Variants in NFASC observed in about 807,000 individuals in gnomAD.
NFASC encodes neurofascin homolog.
A neutral mutation model predicts 147.5 loss-of-function variants in NFASC; 43 were observed. The ratio of observed to expected loss-of-function variants is 0.29; its 90% CI spans 0.23 to 0.38. NFASC has a LOEUF of 0.38. NFASC is among the 10% of genes least tolerant of loss of function. The pLI, the probability that NFASC is intolerant of heterozygous loss-of-function variation, is 1.00. For synonymous variants in NFASC, 622 were observed against 665.5 expected (o/e 0.93, Z 1.01); for missense variants, 1,320 against 1,689.0 (o/e 0.78, Z 3.83).
intron 2 of NFASC, among the ~76,000 whole-genome samples, chr1:204,935,560 C>G (rs1170173416): frequency 6.6e-6 from 1 of 152,206 alleles, no homozygotes. Flanking sequence ...CAGCACTGAG[C>G]AAGCCTGACT....
At chr1:204,904,857 T>C (rs1415780439) in intron 1 of NFASC, among the ~76,000 whole-genome samples, 1 of 139,530 alleles carries the variant, frequency 7.2e-6, no homozygotes, top group Admixed American at 7.1e-5. Context: ...TTATTTCTGC[T>C]CCTTCCTTCC....
rs2150560171 is a variant in NFASC, at chr1:204,986,321, C to G, written c.2471-1097C>G. ...GACCTGCCCTGCGAGGAGGTTGTATCTCAAGAGAAGACCTGTGAGGTCTGC... is the reference window on the plus strand; with the variant it reads ...GACCTGCCCTGCGAGGAGGTTGTATGTCAAGAGAAGACCTGTGAGGTCTGC... On this transcript the variant is annotated intron_variant, in intron 21 of 29. Transcript: ENST00000339876. This position sits in a 1 kb window ranked among gnomAD's most constrained non-coding sequence, Gnocchi z 4.2. 1.3e-5 allele frequency among the ~76,000 whole-genome samples: 2 copies of G among 152,346 alleles called. No homozygotes were observed. Among genetic ancestry groups the G allele is most frequent in the Middle Eastern group, 6.8e-3 (2 of 294 alleles).
At chr1:204,972,416 GA>G (rs138329751) in intron 11 of NFASC, among the ~76,000 whole-genome samples, 11,971 of 152,230 alleles carry the variant, frequency 0.079, 643 homozygotes, top group South Asian at 0.12. Context: ...TAGAGTAGGG[GA>G]AAGGTGGAAG....
chr1:204,829,176 T>C (rs941914408), intron 1 of NFASC, among the ~76,000 whole-genome samples: 1 of 149,924 alleles, frequency 6.7e-6, no homozygotes, highest in African/African-American at 2.5e-5. Context: ...CTGTATTTCC[T>C]ACCGCACACA....
At chr1:204,847,543 T>C (rs2075288938) in intron 1 of NFASC, among the ~76,000 whole-genome samples, 1 of 152,198 alleles carries the variant, frequency 6.6e-6, no homozygotes, top group Admixed American at 6.5e-5. Context: ...GCTGACTTGC[T>C]CCGACTACAG....
chr1:205,001,370 C>A, intron 26 of NFASC, 84 bp downstream of exon 26: 1 of 794,260 alleles, frequency 1.3e-6, no homozygotes, highest in Middle Eastern at 3.2e-4. Context: ...TAAAGAGCTC[C>A]TGTGAACTCC....
At chr1:204,949,673 C>A (rs942070057) in intron 3 of NFASC, among the ~76,000 whole-genome samples, 3 of 152,216 alleles carry the variant, frequency 2.0e-5, no homozygotes, top group African/African-American at 7.2e-5. Context: ...ATTGCCCCAG[C>A]ACTTGTCAGA....
intron 1 of NFASC, among the ~76,000 whole-genome samples, chr1:204,891,896 C>G (rs1041848643): frequency 3.3e-5 from 5 of 152,218 alleles, no homozygotes; most frequent in African/African-American, 4.8e-5. Flanking sequence ...CCAAAACTTA[C>G]GGCCAAACTA....
chr1:204,932,030 A>G (rs532683236), intron 2 of NFASC, among the ~76,000 whole-genome samples: 1 of 152,002 alleles, frequency 6.6e-6, no homozygotes, highest in African/African-American at 2.4e-5. Flanking sequence ...GAGCAACCTC[A>G]CTCTGGGCTT....
chr1:204,888,684 G>A (rs2081803823), intron 1 of NFASC, among the ~76,000 whole-genome samples: 2 of 152,212 alleles, frequency 1.3e-5, no homozygotes, highest in Non-Finnish European at 2.9e-5. Flanking sequence ...ATCTAAGGAG[G>A]CAGTATGCCA....
intron 2 of NFASC, among the ~76,000 whole-genome samples, chr1:204,920,999 G>T (rs1311741091): frequency 1.3e-5 from 2 of 152,284 alleles, no homozygotes; most frequent in South Asian, 4.1e-4. Flanking sequence ...GCCAACATTA[G>T]CGCTGGCATT....
At chr1:204,939,691 A>T (rs939822047) in intron 2 of NFASC, among the ~76,000 whole-genome samples, 1 of 152,276 alleles carries the variant, frequency 6.6e-6, no homozygotes, top group Non-Finnish European at 1.5e-5. Flanking sequence ...GAGAGGTGGC[A>T]TGACTGGGCC....
At chr1:205,012,932 C>G in intron 29 of NFASC, 66 bp downstream of exon 29, 2 of 1,153,786 alleles carry the variant, frequency 1.7e-6, no homozygotes, top group South Asian at 2.5e-5. Context: ...ACCACCCTCC[C>G]CTCAGAGTAG....
At chr1:204,858,926 G>A (rs1170997802) in intron 1 of NFASC, among the ~76,000 whole-genome samples, 1 of 151,318 alleles carries the variant, frequency 6.6e-6, no homozygotes, top group Non-Finnish European at 1.5e-5. Context: ...TTATCTCACA[G>A]CCGGTTTTAC....
At chr1:204,902,813 C>T (rs1004318572) in intron 1 of NFASC, among the ~76,000 whole-genome samples, 1 of 152,102 alleles carries the variant, frequency 6.6e-6, no homozygotes, top group African/African-American at 2.4e-5. Flanking sequence ...CTGGGACTGC[C>T]AGTGAGGGGG....
chr1:204,828,702 T>G lies in NFASC; in HGVS notation c.-280T>G. On this transcript the variant is annotated 5_prime_UTR_variant, in exon 1 of 30. Transcript: ENST00000339876. The stretch of plus-strand genomic sequence containing the variant: ...TGCGGCGGCTGGCGGCGAGAGGCGC[T>G]GCAGGGGACGCGGGGGAAGTGGCGG... 3 of 985,012 alleles carry G rather than the reference T, an allele frequency of 3.0e-6. No homozygotes were observed. The highest frequency in any genetic ancestry group is 3.6e-6 in the Non-Finnish European group (3 of 829,864). 61.0% of individuals were successfully genotyped at this position (985,012 alleles called of 1,614,324 possible).
chr1:204,854,910 A>G (rs2076019494), intron 1 of NFASC, among the ~76,000 whole-genome samples: 1 of 152,366 alleles, frequency 6.6e-6, no homozygotes, highest in Admixed American at 6.5e-5. Flanking sequence ...GTGGTATACA[A>G]GGTATCTTCA....
chr1:204,919,561 A>G (rs1422345815), intron 1 of NFASC, among the ~76,000 whole-genome samples: 1 of 152,172 alleles, frequency 6.6e-6, no homozygotes, highest in Non-Finnish European at 1.5e-5. Context: ...CAAAGAGTAA[A>G]TGCATACTTA....
chr1:204,951,690 C>T (rs1314311232), intron 4 of NFASC, among the ~76,000 whole-genome samples: 5 of 151,528 alleles, frequency 3.3e-5, no homozygotes, highest in African/African-American at 4.9e-5. Context: ...AGGATGGTCT[C>T]GATCTCCTGA....
Sources: allele counts gnomAD v4.1 joint callset (sites outside exome capture counted in the v4.1 genomes callset), GRCh38; gene constraint gnomAD v4.1.1; non-coding constraint Gnocchi (gnomAD v3.1); transcripts MANE v1.5; gene names NCBI Gene and HGNC (gene_info 2026-07-23, HGNC 2026-07-21).